MAP3K2: variants seen among roughly 807,000 people sequenced by gnomAD.
The protein encoded by MAP3K2 is mitogen-activated protein kinase kinase kinase 2.
MAP3K2 carries 24 observed loss-of-function variants against 80.3 expected under a neutral mutation model. That is an observed-to-expected ratio of 0.30 (90% CI 0.22 to 0.42). MAP3K2 has a LOEUF of 0.42. Among genes scored for constraint, MAP3K2 ranks in the 10% least tolerant of loss-of-function variants. The pLI, the probability that MAP3K2 is intolerant of heterozygous loss-of-function variation, is 1.00. For missense variants in MAP3K2, 608 were observed against 750.1 expected, an observed-to-expected ratio of 0.81 and a Z score of 2.21; for synonymous variants, 244 against 253.7, an observed-to-expected ratio of 0.96 and a Z score of 0.36.
intron 1 of MAP3K2, among the ~76,000 whole-genome samples, chr2:127,352,898 G>A (rs544717651): frequency 2.0e-5 from 3 of 152,250 alleles, no homozygotes; most frequent in Admixed American, 6.5e-5. Flanking sequence ...ACGCGGTTTC[G>A]CTGTGTTGGC....
intron 1 of MAP3K2, among the ~76,000 whole-genome samples, chr2:127,365,942 C>T (rs1686963585): frequency 6.6e-6 from 1 of 152,196 alleles, no homozygotes; most frequent in South Asian, 2.1e-4. Context: ...TTCAAGTACT[C>T]AAGCTTCCTC....
At chr2:127,372,608 C>T (rs1687084199) in intron 1 of MAP3K2, among the ~76,000 whole-genome samples, 1 of 152,184 alleles carries the variant, frequency 6.6e-6, no homozygotes. Context: ...ACAACCTCAA[C>T]TCATGCCCTT....
chr2:127,337,592 C>A, intron 4 of MAP3K2, 146 bp downstream of exon 4: 1 of 516,716 alleles, frequency 1.9e-6, no homozygotes, highest in Non-Finnish European at 3.4e-6. Flanking sequence ...TAAGTCTAAG[C>A]ACATTACACA....
At chr2:127,335,738 T>C in intron 5 of MAP3K2, 132 bp downstream of exon 5, 1 of 498,296 alleles carries the variant, frequency 2.0e-6, no homozygotes, top group Non-Finnish European at 3.6e-6. Flanking sequence ...TAAAATTTAC[T>C]TGTTTTATCC....
At chr2:127,352,190 T>C (rs1686702733) in intron 1 of MAP3K2, among the ~76,000 whole-genome samples, 1 of 152,120 alleles carries the variant, frequency 6.6e-6, no homozygotes, top group African/African-American at 2.4e-5. Flanking sequence ...TTCCCTACTT[T>C]TGGTGTTATA....
intron 11 of MAP3K2, 143 bp downstream of exon 11, chr2:127,323,759 C>T: frequency 2.2e-6 from 1 of 453,048 alleles, no homozygotes; most frequent in Non-Finnish European, 3.9e-6. Context: ...AGCCAAAATG[C>T]CCATTATACT....
intron 1 of MAP3K2, among the ~76,000 whole-genome samples, chr2:127,356,438 T>C (rs993626936): frequency 6.6e-6 from 1 of 151,492 alleles, no homozygotes; most frequent in African/African-American, 2.5e-5. Flanking sequence ...CTGTATATAC[T>C]TTAATTTAAA....
At chr2:127,347,769 T>C (rs1686624089) in intron 1 of MAP3K2, among the ~76,000 whole-genome samples, 1 of 152,122 alleles carries the variant, frequency 6.6e-6, no homozygotes, top group African/African-American at 2.4e-5. Context: ...CAATAGGCAC[T>C]GAATAGCCAC....
intron 3 of MAP3K2, among the ~76,000 whole-genome samples, chr2:127,338,504 G>T (rs1490469959): frequency 6.6e-6 from 1 of 151,816 alleles, no homozygotes; most frequent in Non-Finnish European, 1.5e-5. Flanking sequence ...CCTCTCGCAG[G>T]CCCCAGTGTC....
intron 1 of MAP3K2, among the ~76,000 whole-genome samples, chr2:127,349,237 G>A (rs1159032049): frequency 1.3e-5 from 2 of 151,732 alleles, no homozygotes; most frequent in Middle Eastern, 3.4e-3. Context: ...CACTGCCTGC[G>A]GCAGCCTCAA....
chr2:127,308,705 C>G lies in MAP3K2; in HGVS notation c.1514G>C (p.Ser505Thr). ...GAGACAGATGGTCTGAAGCCGTTTG[C>G]TGGCCCCAAAATCTCCTAGTTTGAC... ...GNVKLGDFGA[S>T]KRLQTICLSG... is the part of the protein sequence containing the mutation. Residue 505 changes from serine (S) to threonine (T), a missense_variant, in exon 16 of 17, where the codon AGC (serine) becomes ACC (threonine). Transcript: ENST00000682094. 1 of 1,613,948 alleles carries G rather than the reference C, an allele frequency of 6.2e-7. No individual in the cohort carries two copies. The highest frequency in any genetic ancestry group is 1.7e-4 in the Middle Eastern group (1 of 6,060).
intron 2 of MAP3K2, among the ~76,000 whole-genome samples, chr2:127,340,940 G>A (rs115571677): frequency 0.017 from 2,549 of 151,998 alleles, 74 homozygotes; most frequent in African/African-American, 0.058. Flanking sequence ...TTGGGGGAGG[G>A]CCTTTGGCTA....
chr2:127,332,701 AGTTGTTT>A (rs2104835148), intron 5 of MAP3K2, among the ~76,000 whole-genome samples: 1 of 152,370 alleles, frequency 6.6e-6, no homozygotes, highest in Admixed American at 6.5e-5. Context: ...TTGATAAATC[AGTTGTTT>A]GTTGATATAA....
Position 127,303,894 on chromosome 2 carries a change from T to A in MAP3K2, c.*3685A>T, listed in dbSNP as rs1325155085. 1 of 152,164 alleles carries A rather than the reference T, an allele frequency of 6.6e-6. No individual in the cohort carries two copies. Among genetic ancestry groups the A allele is most frequent in the Non-Finnish European group, 1.5e-5 (1 of 68,024 alleles). 9.4% of individuals were successfully genotyped at this position (152,164 alleles called of 1,614,324 possible). A position where few individuals can be genotyped will look rare whatever the true frequency, so the allele number is the denominator to read the frequency against. On this transcript the variant is annotated 3_prime_UTR_variant, in exon 17 of 17. Coordinates refer to ENST00000682094, the MANE Select transcript of MAP3K2 (RefSeq NM_001371910.2). Reference sequence around the variant, plus strand: ...GCTAAACTATTCACATCTGATTTTATTTTCTAAGTGATTTCACATATCTTA... The same window carrying A: ...GCTAAACTATTCACATCTGATTTTAATTTCTAAGTGATTTCACATATCTTA...
At chr2:127,325,127 T>C (rs1418507776) in intron 9 of MAP3K2, among the ~76,000 whole-genome samples, 1 of 152,224 alleles carries the variant, frequency 6.6e-6, no homozygotes, top group African/African-American at 2.4e-5. Flanking sequence ...TAAATGTACA[T>C]AAATTCTAAA....
At chr2:127,376,789 T>A (rs1687160397) in intron 1 of MAP3K2, among the ~76,000 whole-genome samples, 1 of 152,162 alleles carries the variant, frequency 6.6e-6, no homozygotes, top group African/African-American at 2.4e-5. Flanking sequence ...GCTGATGCTG[T>A]GCATGGTGGC....
chr2:127,315,055 C>T (rs1018337817), intron 14 of MAP3K2, among the ~76,000 whole-genome samples, 172 bp from the exon 15 acceptor site: 8 of 152,138 alleles, frequency 5.3e-5, no homozygotes, highest in Admixed American at 1.3e-4. Flanking sequence ...ATTTTATTGA[C>T]ATCTGCTGAT....
chr2:127,309,413 TAG>T lies in MAP3K2; in HGVS notation c.1457-653_1457-652del, dbSNP rs148473492. Among the ~76,000 whole-genome samples the T allele has an allele frequency of 5.3e-3, 811 of 152,304 alleles. 7 individuals are homozygous for T. The highest frequency in any genetic ancestry group is 0.018 in the African/African-American group (764 of 41,568). On this transcript the variant is annotated intron_variant, in intron 15 of 16. Transcript: ENST00000682094. ...TTACAGAATTATTGCAAAGACAGTA[TAG>T]AGAGTTCCCATATACCCCCACACCC...
In MAP3K2 at chr2:127,322,769, A is replaced by AT. The variant is rs1686051443; in HGVS notation, c.839-518dup. On this transcript the variant is annotated intron_variant, in intron 11 of 16. Coordinates refer to ENST00000682094, the MANE Select transcript of MAP3K2 (RefSeq NM_001371910.2). This position sits in a 1 kb window ranked among gnomAD's most constrained non-coding sequence, Gnocchi z 4.2. ...CCACCATGCCCAGCTAATTTTTTGT[A>AT]TTTTTAGTAGAGACGGGGTTTCATC... Among the ~76,000 whole-genome samples, 1 of 151,162 alleles carries AT rather than the reference A, an allele frequency of 6.6e-6. No individual in the cohort carries two copies. Among genetic ancestry groups the AT allele is most frequent in the East Asian group, 2.0e-4 (1 of 5,032 alleles).
Sources: allele counts gnomAD v4.1 joint callset (sites outside exome capture counted in the v4.1 genomes callset), GRCh38; gene constraint gnomAD v4.1.1; non-coding constraint Gnocchi (gnomAD v3.1); transcripts MANE v1.5; gene names NCBI Gene and HGNC (gene_info 2026-07-23, HGNC 2026-07-21).